Variants in ATP2B2 observed in about 807,000 individuals in gnomAD.
ATP2B2 encodes ATPase plasma membrane Ca2+ transporting 2.
Under a neutral mutation model 120.0 loss-of-function variants are expected in ATP2B2, and 15 were observed. The ratio of observed to expected loss-of-function variants is 0.12; its 90% CI spans 0.08 to 0.19. The LOEUF is 0.19. Ranked by LOEUF, ATP2B2 falls within the 10% of genes least tolerant of loss-of-function variation. The pLI, the probability that ATP2B2 is intolerant of heterozygous loss-of-function variation, is 1.00. For synonymous variants in ATP2B2, 694 were observed against 700.3 expected, an observed-to-expected ratio of 0.99 and a Z score of 0.14; for missense variants, 1,045 against 1,719.8, an observed-to-expected ratio of 0.61 and a Z score of 6.94.
intron 22 of ATP2B2, among the ~76,000 whole-genome samples, chr3:10,334,187 G>A (rs879370141): frequency 2.0e-5 from 3 of 152,190 alleles, no homozygotes; most frequent in East Asian, 3.9e-4. Flanking sequence ...GTGCTCCGTC[G>A]TGGCCAGGGT....
intron 2 of ATP2B2, among the ~76,000 whole-genome samples, chr3:10,593,166 C>T (rs1331353604): frequency 6.6e-6 from 1 of 152,162 alleles, no homozygotes; most frequent in Non-Finnish European, 1.5e-5. Flanking sequence ...AAATTCAATT[C>T]TATTTTTAAA....
rs574402898 is a variant in ATP2B2, at chr3:10,340,703, G to T, written c.2919C>A (p.Gly973=). Residue 973 remains glycine (G), a splice_region_variant and synonymous_variant, in exon 20 of 23, where the codon GGC becomes GGA. Transcript: ENST00000360273. The surrounding 1 kb of genome is among the most constrained non-coding windows in gnomAD (Gnocchi z 5.0). ...CGCTGTCGATCTGGAACATCTTCTC[G>T]CCTGCCAAGTGAGAGAGTGGGGCTG... ...LALIFTLLFV[G]EKMFQIDSGR... 1 of 1,613,794 alleles carries T rather than the reference G, an allele frequency of 6.2e-7. No individual in the cohort carries two copies. Among genetic ancestry groups the T allele is most frequent in the Admixed American group, 1.7e-5 (1 of 60,008 alleles).
intron 1 of ATP2B2, among the ~76,000 whole-genome samples, chr3:10,461,742 G>C (rs1457280282): frequency 6.6e-6 from 1 of 152,086 alleles, no homozygotes; most frequent in Non-Finnish European, 1.5e-5. Flanking sequence ...TCCTCTTGTA[G>C]CCCACACTTT....
intron 3 of ATP2B2, among the ~76,000 whole-genome samples, chr3:10,514,631 G>A (rs2066840536): frequency 6.6e-6 from 1 of 152,188 alleles, no homozygotes; most frequent in Non-Finnish European, 1.5e-5. Flanking sequence ...GCCAGGCCAG[G>A]GCTTGGAGGC....
At chr3:10,506,472 T>G (rs2066631667), upstream of ATP2B2, among the ~76,000 whole-genome samples, 1 of 152,306 alleles carries the variant, frequency 6.6e-6, no homozygotes, top group Non-Finnish European at 1.5e-5. Context: ...TCGGTAGGGT[T>G]GGAAGCCCCT....
chr3:10,499,931 CTTTTTT>C (rs57211710), intron 1 of ATP2B2, among the ~76,000 whole-genome samples: 8 of 117,608 alleles, frequency 6.8e-5, no homozygotes, highest in Admixed American at 5.1e-4. Flanking sequence ...TGGGCACATT[CTTTTTT>C]TTTTTTTTTT....
chr3:10,432,389 TAGACAATTTAGGAA>T (rs2063344627), intron 2 of ATP2B2, among the ~76,000 whole-genome samples: 1 of 152,110 alleles, frequency 6.6e-6, no homozygotes, highest in Admixed American at 6.5e-5. Context: ...TGGTACTTGT[TAGACAATTTAGGAA>T]AGCCCTGGGG....
At chr3:10,649,888 C>A (rs1384036761) in intron 1 of ATP2B2, among the ~76,000 whole-genome samples, 2 of 152,232 alleles carry the variant, frequency 1.3e-5, no homozygotes, top group Non-Finnish European at 2.9e-5. Context: ...ATGCCTTTCA[C>A]CTTCCACAAT....
intron 2 of ATP2B2, among the ~76,000 whole-genome samples, chr3:10,617,397 C>T (rs1167621530): frequency 6.6e-6 from 1 of 152,156 alleles, no homozygotes; most frequent in South Asian, 2.1e-4. Context: ...AATCTACCCG[C>T]CTATAGTCAA....
chr3:10,492,791 C>A (rs4684697), intron 1 of ATP2B2, among the ~76,000 whole-genome samples: 44 of 152,034 alleles, frequency 2.9e-4, no homozygotes, highest in Admixed American at 3.9e-4. Context: ...CTTGCAGATA[C>A]CGGGTCAAGT....
intron 1 of ATP2B2, among the ~76,000 whole-genome samples, chr3:10,691,865 A>G (rs1215878501): frequency 6.6e-6 from 1 of 152,188 alleles, no homozygotes; most frequent in Non-Finnish European, 1.5e-5. Flanking sequence ...CTTTATGTCT[A>G]AGAAGTCTCA....
intron 1 of ATP2B2, among the ~76,000 whole-genome samples, chr3:10,467,892 G>T (rs1300698859): frequency 6.6e-6 from 1 of 152,048 alleles, no homozygotes; most frequent in Non-Finnish European, 1.5e-5. Context: ...CAATAATCCC[G>T]CTCTCCCCTG....
rs2063968436 is a variant in ATP2B2 at position 10,449,757 on chromosome 3, G to A, written c.-214C>T. 1 of 642,360 alleles carries A rather than the reference G, an allele frequency of 1.6e-6. No homozygotes were observed. The highest frequency in any genetic ancestry group is 2.8e-6 in the Non-Finnish European group (1 of 356,144). The allele number at this position is 642,360 out of a possible 1,614,324, so 39.8% of individuals were successfully genotyped here. On this transcript the variant is annotated 5_prime_UTR_variant, in exon 2 of 23. Transcript: ENST00000360273. Reference sequence around the variant, plus strand: ...GAGGTGTCCTCCGGTGTGGGACGAGGTCCAGGGGCCGGAGGGGCTCAGGGC... The same window carrying A: ...GAGGTGTCCTCCGGTGTGGGACGAGATCCAGGGGCCGGAGGGGCTCAGGGC...
At chr3:10,481,817 G>A (rs1343993796) in intron 1 of ATP2B2, among the ~76,000 whole-genome samples, 1 of 152,184 alleles carries the variant, frequency 6.6e-6, no homozygotes, top group Non-Finnish European at 1.5e-5. Context: ...GCCTCCCAAA[G>A]TGCTGGGATT....
chr3:10,356,283 G>C (rs2060729957), intron 14 of ATP2B2, among the ~76,000 whole-genome samples: 1 of 152,014 alleles, frequency 6.6e-6, no homozygotes, highest in African/African-American at 2.4e-5. Context: ...CCCCCTTTGG[G>C]CTTCGGTGTT....
intron 12 of ATP2B2, among the ~76,000 whole-genome samples, chr3:10,362,372 G>C (rs990036224): frequency 6.6e-6 from 1 of 152,182 alleles, no homozygotes; most frequent in Non-Finnish European, 1.5e-5. Context: ...GCTAGGGCTC[G>C]GGCCCAAAGA....
At chr3:10,495,515 C>T (rs570924139) in intron 1 of ATP2B2, among the ~76,000 whole-genome samples, 4 of 152,326 alleles carry the variant, frequency 2.6e-5, no homozygotes, top group African/African-American at 4.8e-5. Context: ...GCTCGCTAAA[C>T]GAGAGCTGTC....
chr3:10,612,954 T>C (rs1258595656), intron 2 of ATP2B2, among the ~76,000 whole-genome samples: 3 of 152,048 alleles, frequency 2.0e-5, no homozygotes, highest in African/African-American at 7.2e-5. Flanking sequence ...TGCTAAGAGA[T>C]GAGATGAGTC....
intron 2 of ATP2B2, among the ~76,000 whole-genome samples, chr3:10,566,803 T>C (rs1158608083): frequency 3.3e-5 from 5 of 152,186 alleles, no homozygotes; most frequent in Non-Finnish European, 1.5e-5. Flanking sequence ...CTTGGTGAAG[T>C]TCTGAACAAA....
Sources: gnomAD v4.1 joint callset for allele counts (sites outside exome capture counted in the v4.1 genomes callset) on GRCh38, gnomAD v4.1.1 for gene constraint, Gnocchi (gnomAD v3.1) non-coding constraint, MANE v1.5 for transcripts, NCBI Gene and HGNC (gene_info 2026-07-23, HGNC 2026-07-21) for gene names.